Variants in LRRC4C observed in about 807,000 individuals in gnomAD.
LRRC4C encodes the protein leucine-rich repeat-containing protein 4C.
Under a neutral mutation model 33.6 loss-of-function variants are expected in LRRC4C, and 5 were observed. The ratio of observed to expected loss-of-function variants is 0.15; its 90% confidence interval spans 0.08 to 0.31. LRRC4C has a LOEUF of 0.31. Ranked by LOEUF, LRRC4C falls within the 10% of genes least tolerant of loss-of-function variation. The pLI, the probability that LRRC4C is intolerant of heterozygous loss-of-function variation, is 1.00. For synonymous variants in LRRC4C, 329 were observed against 302.0 expected (o/e 1.09, Z -0.93); for missense variants, 560 against 796.7 (o/e 0.70, Z 3.58).
chr11:41,455,361 T>A lies in LRRC4C; in HGVS notation c.-496+4070A>T, dbSNP rs184715412. On this transcript the variant is annotated intron_variant, in intron 1 of 6. Transcript: ENST00000528697. ...TTTTCTGGATATCCAGAAAATGAGTTCAGGTCATTATACATTTTCTATTTT... is the reference window on the plus strand; with the variant it reads ...TTTTCTGGATATCCAGAAAATGAGTACAGGTCATTATACATTTTCTATTTT... Among the ~76,000 whole-genome samples, 846 of 152,192 alleles carry A rather than the reference T, an allele frequency of 5.6e-3. 9 individuals carry two copies. Among genetic ancestry groups the A allele is most frequent in the African/African-American group, 0.02 (820 of 41,546 alleles).
intron 1 of LRRC4C, among the ~76,000 whole-genome samples, chr11:41,164,731 C>T (rs1944640295): frequency 6.6e-6 from 1 of 152,078 alleles, no homozygotes. Context: ...GCAGGGCTTG[C>T]ATGTCTGACA....
At chr11:41,011,254 A>G (rs1855156627) in intron 1 of LRRC4C, among the ~76,000 whole-genome samples, 1 of 152,132 alleles carries the variant, frequency 6.6e-6, no homozygotes, top group South Asian at 2.1e-4. Context: ...TATTTACCTA[A>G]TGGGGGCTAA....
chr11:41,338,557 G>A (rs942918884), intron 1 of LRRC4C, among the ~76,000 whole-genome samples: 2 of 152,030 alleles, frequency 1.3e-5, no homozygotes, highest in African/African-American at 4.8e-5. Flanking sequence ...GTGGTGAGGA[G>A]GGAGAGCATC....
chr11:41,093,601 G>A (rs1250638387), intron 1 of LRRC4C, among the ~76,000 whole-genome samples: 2 of 151,608 alleles, frequency 1.3e-5, no homozygotes, highest in African/African-American at 2.4e-5. Context: ...TTTGAACAGC[G>A]TGCCATACAG....
chr11:40,522,858 G>A (rs1955877361), intron 3 of LRRC4C, among the ~76,000 whole-genome samples: 2 of 152,088 alleles, frequency 1.3e-5, no homozygotes, highest in Admixed American at 1.3e-4. Context: ...GTTCCATCAT[G>A]TTACGGCATA....
rs538441868 is a variant in LRRC4C, at chr11:41,038,668, AAGCTCAT to A, written c.-495-104952_-495-104946del. Among the ~76,000 whole-genome samples, 609 of 152,332 alleles carry A rather than the reference AAGCTCAT, an allele frequency of 4.0e-3. 7 individuals carry two copies. The highest frequency in any genetic ancestry group is 3.9e-3 in the Non-Finnish European group (264 of 68,032). On this transcript the variant is annotated intron_variant, in intron 1 of 6. Coordinates refer to ENST00000528697, the MANE Select transcript of LRRC4C (RefSeq NM_001258419.2). ...GAGACTGTCACTAGGTGACTTGTGC[AAGCTCAT>A]AAACTCAGAAACACAAGAAATGTAC...
In LRRC4C at chr11:40,537,577, C is replaced by T. The variant is rs140589068; in HGVS notation, c.-270+110565G>A. ...CACAAAGACTTTATAAGCACAACAA[C>T]TCACAATAATTTAAATCACCCTTTT... is the stretch of plus-strand genomic sequence containing the variant. On this transcript the variant is annotated intron_variant, in intron 3 of 6. Coordinates refer to ENST00000528697, the MANE Select transcript of LRRC4C (RefSeq NM_001258419.2). Among the ~76,000 whole-genome samples the T allele has an allele frequency of 9.1e-3, 1,391 of 152,278 alleles. 12 individuals are homozygous for T. The highest frequency in any genetic ancestry group is 0.022 in the South Asian group (105 of 4,818).
At chr11:40,857,421 T>C (rs952388143) in intron 2 of LRRC4C, among the ~76,000 whole-genome samples, 3 of 152,110 alleles carry the variant, frequency 2.0e-5, no homozygotes, top group Admixed American at 1.3e-4. Flanking sequence ...ATTGTTCAGC[T>C]CCCACTTACA....
At chr11:40,656,680 C>T (rs566530996) in intron 2 of LRRC4C, among the ~76,000 whole-genome samples, 18 of 152,184 alleles carry the variant, frequency 1.2e-4, no homozygotes, top group African/African-American at 4.1e-4. Context: ...ACTATGTAAA[C>T]CTATGCTAAT....
At chr11:40,395,272 G>C (rs1949495466) in intron 3 of LRRC4C, among the ~76,000 whole-genome samples, 1 of 152,096 alleles carries the variant, frequency 6.6e-6, no homozygotes, top group Admixed American at 6.6e-5. Flanking sequence ...TTGCCTGTTT[G>C]AAATTATAAA....
intron 3 of LRRC4C, among the ~76,000 whole-genome samples, chr11:40,438,517 A>C (rs1992317): frequency 0.38 from 57,037 of 152,008 alleles, 11,399 homozygotes; most frequent in East Asian, 0.52. Flanking sequence ...TTTTTAAGCA[A>C]TTTGTGTCCC....
intron 4 of LRRC4C, among the ~76,000 whole-genome samples, chr11:40,274,837 T>C (rs1482149369): frequency 6.6e-6 from 1 of 152,116 alleles, no homozygotes; most frequent in African/African-American, 2.4e-5. Flanking sequence ...CTTTGACAGT[T>C]GCATTCAGCA....
chr11:40,557,442 A>T (rs1451536981), intron 3 of LRRC4C, among the ~76,000 whole-genome samples: 1 of 152,160 alleles, frequency 6.6e-6, no homozygotes, highest in East Asian at 1.9e-4. Context: ...AATATCTGGC[A>T]CCCAGTAATA....
chr11:40,369,887 A>G (rs1948376001), intron 3 of LRRC4C, among the ~76,000 whole-genome samples: 2 of 152,186 alleles, frequency 1.3e-5, no homozygotes, highest in African/African-American at 4.8e-5. Context: ...ACGTTTCTAA[A>G]ATTTTAGTTT....
intron 2 of LRRC4C, among the ~76,000 whole-genome samples, chr11:40,878,509 G>A (rs546475969): frequency 2.0e-5 from 3 of 152,190 alleles, no homozygotes; most frequent in South Asian, 2.1e-4. Flanking sequence ...TTCACAATAC[G>A]GTTAGTGCAC....
chr11:40,698,798 C>A (rs374776487), intron 2 of LRRC4C, among the ~76,000 whole-genome samples: 1 of 151,984 alleles, frequency 6.6e-6, no homozygotes, highest in African/African-American at 2.4e-5. Context: ...TTGAGGCAGA[C>A]GAGAGAAATG....
chr11:40,771,925 CA>C (rs1436684837), intron 2 of LRRC4C, among the ~76,000 whole-genome samples: 6 of 152,140 alleles, frequency 3.9e-5, no homozygotes, highest in Non-Finnish European at 8.8e-5. Flanking sequence ...AAGGGAGTTC[CA>C]AACTTTCCCA....
rs67611635 is a variant in LRRC4C at position 40,837,886 on chromosome 11, CTATA to C, written c.-407+95745_-407+95748del. On this transcript the variant is annotated intron_variant, in intron 2 of 6. Transcript: ENST00000528697. ...AGGAAAATAGCCAATGATGCTTAAA[CTATA>C]TATATATATATATACACACCCTCAC... 2.2e-3 allele frequency among the ~76,000 whole-genome samples: 333 copies of C among 148,390 alleles called. 3 individuals are homozygous for C. The highest frequency in any genetic ancestry group is 7.2e-3 in the African/African-American group (293 of 40,616).
rs58139193 is a variant in LRRC4C, at chr11:41,279,428, A to ACACACACACCCCCC, written c.-496+180002_-496+180003insGGGGGGTGTGTGTG. Among the ~76,000 whole-genome samples the ACACACACACCCCCC allele has an allele frequency of 3.4e-4, 48 of 140,888 alleles. 1 individual carries two copies. The East Asian group carries it at 6.9e-3, about 20-fold the overall frequency. 92.4% of individuals were successfully genotyped at this position (140,888 alleles called of 152,430 possible). On this transcript the variant is annotated intron_variant, in intron 1 of 6. Coordinates refer to ENST00000528697, the MANE Select transcript of LRRC4C (RefSeq NM_001258419.2). Reference sequence around the variant, plus strand: ...CACACACACACACACACACACACACACCGTGGCAATCACTGCCTGCAATGG... The same window carrying ACACACACACCCCCC: ...CACACACACACACACACACACACACACACACACACCCCCCCCGTGGCAATCACTGCCTGCAATGG...
Sources: gnomAD v4.1 joint callset for allele counts (sites outside exome capture counted in the v4.1 genomes callset) on GRCh38, gnomAD v4.1.1 for gene constraint, MANE v1.5 for transcripts, NCBI Gene and HGNC (gene_info 2026-07-23, HGNC 2026-07-21) for gene names.